Variants in LSM14A observed in about 807,000 individuals in gnomAD.
LSM14A encodes the protein LSM14A mRNA processing body assembly factor.
A neutral mutation model predicts 52.4 loss-of-function variants in LSM14A; 14 were observed. That is an observed-to-expected ratio of 0.27 (90% confidence interval 0.18 to 0.42). The LOEUF (loss-of-function observed/expected upper bound fraction) is 0.42. Ranked by LOEUF, LSM14A falls within the 10% of genes least tolerant of loss-of-function variation. The pLI, the probability that LSM14A is intolerant of heterozygous loss-of-function variation, is 1.00. For missense variants in LSM14A, 417 were observed against 581.8 expected (o/e 0.72, Z 2.91); for synonymous variants, 185 against 200.3 (o/e 0.92, Z 0.64).
intron 9 of LSM14A, chr19:34,226,567 A>G: frequency 1.0e-6 from 1 of 986,772 alleles, no homozygotes; most frequent in Non-Finnish European, 1.4e-6. Context: ...TACCATATGT[A>G]TTTCAGTTTA....
At chr19:34,221,762 C>T (rs745702689) in intron 9 of LSM14A, 24 bp downstream of exon 9, 1 of 1,585,580 alleles carries the variant, frequency 6.3e-7, no homozygotes, top group East Asian at 2.3e-5. Context: ...TTAATAAATT[C>T]TTTGGGGTTG....
rs532751739 is a variant in LSM14A, at chr19:34,207,277, G to A, written c.416-1652G>A. On this transcript the variant is annotated intron_variant, in intron 3 of 9. Transcript: ENST00000544216. The stretch of plus-strand genomic sequence containing the variant: ...GCCAAGCCAGGTGAGGAAACACAGA[G>A]CAGCCTGGAGATGCAAATATACATC... Among the ~76,000 whole-genome samples the A allele has an allele frequency of 3.9e-5, 6 of 152,268 alleles. No homozygotes were observed. In the East Asian group the frequency reaches 1.2e-3, roughly 29 times the overall value.
chr19:34,215,485 G>T, intron 5 of LSM14A, 111 bp from the exon 6 acceptor site: 2 of 1,136,682 alleles, frequency 1.8e-6, no homozygotes, highest in Non-Finnish European at 2.6e-6. Context: ...TTTGGGCATT[G>T]CACAGGCTTT....
At position 34,196,666 on chromosome 19, in the gene LSM14A, G is replaced by C; in HGVS notation, c.318G>C (p.Gln106His). 2 of 1,612,798 alleles carry C rather than the reference G, an allele frequency of 1.2e-6. No homozygotes were observed. Among genetic ancestry groups the C allele is most frequent in the Non-Finnish European group, 1.7e-6 (2 of 1,179,596 alleles). ...TAGGCTCATCGACTTCTTCATTCCA[G>C]TCCATGGGTTCTTATGGACCTTTCG... Reference protein sequence around the residue: ...SSLGSSTSSFQSMGSYGPFGR... With the variant: ...SSLGSSTSSFHSMGSYGPFGR... Residue 106 changes from glutamine to histidine, a missense_variant, in exon 3 of 10, where the codon CAG (glutamine) becomes CAC (histidine). Coordinates refer to ENST00000544216, the MANE Select transcript of LSM14A (RefSeq NM_015578.4).
rs978810887 is a variant in LSM14A at position 34,229,019 on chromosome 19, G to A, written c.*1631G>A. On this transcript the variant is annotated 3_prime_UTR_variant, in exon 10 of 10. Coordinates refer to ENST00000544216, the MANE Select transcript of LSM14A (RefSeq NM_015578.4). ...AAATCATGATATTGAACACAGTTCCGAGGCATTCAGAGCATCAGAGCAAGT... is the reference window on the plus strand; with the variant it reads ...AAATCATGATATTGAACACAGTTCCAAGGCATTCAGAGCATCAGAGCAAGT... 11 of 152,164 alleles carry A rather than the reference G, an allele frequency of 7.2e-5. No individual in the cohort carries two copies. In the South Asian group the frequency reaches 8.3e-4, roughly 11 times the overall value. 9.4% of individuals were successfully genotyped at this position (152,164 alleles called of 1,614,324 possible).
chr19:34,184,833 T>G (rs2069766973), intron 1 of LSM14A, among the ~76,000 whole-genome samples: 1 of 152,186 alleles, frequency 6.6e-6, no homozygotes, highest in Non-Finnish European at 1.5e-5. Context: ...GGCTTTTTTG[T>G]TTTTTGTTTT....
chr19:34,177,100 A>G (rs1427660177), intron 1 of LSM14A, among the ~76,000 whole-genome samples: 1 of 152,190 alleles, frequency 6.6e-6, no homozygotes, highest in Non-Finnish European at 1.5e-5. Context: ...TCCTTTTTTA[A>G]ATCGAAACAC....
chr19:34,198,074 A>C (rs1382791923), intron 3 of LSM14A, among the ~76,000 whole-genome samples: 1 of 151,850 alleles, frequency 6.6e-6, no homozygotes. Flanking sequence ...AAAAAAAAAA[A>C]ACAGCTTTAA....
intron 9 of LSM14A, among the ~76,000 whole-genome samples, chr19:34,224,805 T>C (rs926255677): frequency 1.3e-5 from 2 of 152,240 alleles, no homozygotes; most frequent in Non-Finnish European, 2.9e-5. Flanking sequence ...ATTCTTCAGA[T>C]ATGCCAGGCA....
chr19:34,200,318 T>A (rs950886530), intron 3 of LSM14A, among the ~76,000 whole-genome samples: 1 of 152,204 alleles, frequency 6.6e-6, no homozygotes, highest in Non-Finnish European at 1.5e-5. Flanking sequence ...GGCGTGTTTG[T>A]TTCCTGCAGG....
intron 1 of LSM14A, among the ~76,000 whole-genome samples, chr19:34,174,524 C>CAAG (rs1191137185): frequency 6.6e-6 from 1 of 152,200 alleles, no homozygotes; most frequent in Non-Finnish European, 1.5e-5. Flanking sequence ...ATTAAAACAC[C>CAAG]TGTAGACTTG....
intron 4 of LSM14A, among the ~76,000 whole-genome samples, chr19:34,209,619 A>G (rs981072272): frequency 2.0e-5 from 3 of 152,116 alleles, no homozygotes; most frequent in African/African-American, 4.8e-5. Flanking sequence ...CTGCTCTTCA[A>G]CCAGCCAGTC....
intron 1 of LSM14A, 68 bp downstream of exon 1, chr19:34,172,831 C>T: frequency 2.0e-6 from 3 of 1,468,438 alleles, no homozygotes; most frequent in South Asian, 1.3e-5. Context: ...CCCGCTCCGG[C>T]CCGCGGCCTC....
At chr19:34,207,780 C>T (rs1287674115) in intron 3 of LSM14A, among the ~76,000 whole-genome samples, 2 of 152,138 alleles carry the variant, frequency 1.3e-5, no homozygotes, top group South Asian at 2.1e-4. Flanking sequence ...CTGCCCACCT[C>T]GGCCTCCCAA....
At chr19:34,200,598 TTGA>T in intron 3 of LSM14A, among the ~76,000 whole-genome samples, 1 of 152,310 alleles carries the variant, frequency 6.6e-6, no homozygotes, top group Non-Finnish European at 1.5e-5. Context: ...ATGTTAACAG[TTGA>T]TGAGTCTAGG....
intron 4 of LSM14A, 97 bp downstream of exon 4, chr19:34,209,148 G>A: frequency 4.7e-6 from 5 of 1,057,426 alleles, no homozygotes; most frequent in Non-Finnish European, 6.6e-6. Flanking sequence ...TAAATCGCGT[G>A]TATAATTTCT....
chr19:34,202,879 G>T (rs111401054), intron 3 of LSM14A, among the ~76,000 whole-genome samples: 11 of 151,992 alleles, frequency 7.2e-5, no homozygotes, highest in Admixed American at 6.6e-4. Context: ...GGATGGTCTC[G>T]ATCTCCTGAC....
intron 9 of LSM14A, among the ~76,000 whole-genome samples, chr19:34,222,606 T>G (rs1428128772): frequency 6.6e-6 from 1 of 152,232 alleles, no homozygotes; most frequent in African/African-American, 2.4e-5. Context: ...TAGCAGGAGT[T>G]CCATTGCCCA....
At chr19:34,172,784 G>C in intron 1 of LSM14A, 21 bp downstream of exon 1, 3 of 1,560,334 alleles carry the variant, frequency 1.9e-6, no homozygotes, top group Non-Finnish European at 2.6e-6. Flanking sequence ...CCGGGCCTCA[G>C]GGTGGGGGCC....
Sources: allele counts gnomAD v4.1 joint callset (sites outside exome capture counted in the v4.1 genomes callset), GRCh38; gene constraint gnomAD v4.1.1; transcripts MANE v1.5; gene names NCBI Gene and HGNC (gene_info 2026-07-23, HGNC 2026-07-21).